The following SLC44A5 variants were observed in gnomAD, a reference collection of about 807,000 sequenced individuals.
SLC44A5 encodes choline transporter-like protein 5.
A neutral mutation model predicts 101.8 loss-of-function variants in SLC44A5; 57 were observed. The ratio of observed to expected loss-of-function variants is 0.56; its 90% CI spans 0.45 to 0.70. The LOEUF (loss-of-function observed/expected upper bound fraction) is 0.70. Among genes scored for constraint, SLC44A5 ranks in the 30% least tolerant of loss-of-function variants. The probability of loss-of-function intolerance (pLI) is 0.00; values close to 1 mark genes in which losing one functional copy is unlikely to be tolerated. For missense variants in SLC44A5, 737 were observed against 853.1 expected (o/e 0.86, Z 1.70); for synonymous variants, 281 against 290.9 (o/e 0.97, Z 0.35).
intron 3 of SLC44A5, among the ~76,000 whole-genome samples, chr1:75,390,029 A>G (rs908377642): frequency 3.9e-5 from 6 of 152,158 alleles, no homozygotes; most frequent in African/African-American, 1.4e-4. Context: ...CTCAGAGACA[A>G]CTATGAATAC....
the SLC44A5 span, among the ~76,000 whole-genome samples, chr1:75,627,259 T>C: frequency 1.3e-5 from 2 of 152,194 alleles, no homozygotes; most frequent in African/African-American, 4.8e-5. Flanking sequence ...TGAGATTTTG[T>C]CTTAGTCATT....
chr1:75,702,635 C>A, the SLC44A5 span, among the ~76,000 whole-genome samples: 2 of 152,000 alleles, frequency 1.3e-5, no homozygotes, highest in Non-Finnish European at 2.9e-5. Context: ...GAAGCAATGG[C>A]AACAAAAGCC....
intron 5 of SLC44A5, among the ~76,000 whole-genome samples, chr1:75,276,515 CCT>C (rs1435850309): frequency 6.6e-6 from 1 of 151,648 alleles, no homozygotes; most frequent in Non-Finnish European, 1.5e-5. Context: ...TTAGATTTTC[CCT>C]GAGTGAGTCA....
intron 13 of SLC44A5, among the ~76,000 whole-genome samples, chr1:75,225,401 T>A (rs566424738): frequency 5.9e-5 from 9 of 152,312 alleles, no homozygotes; most frequent in African/African-American, 2.2e-4. Context: ...CGTATTTCTC[T>A]CATTAAGCAA....
chr1:75,642,145 A>C, the SLC44A5 span: 1 of 808,824 alleles, frequency 1.2e-6, no homozygotes, highest in Non-Finnish European at 1.9e-6. Context: ...ACTGCCTGTA[A>C]ATAAATAGCA....
At chr1:75,481,970 C>T (rs571915842) in intron 2 of SLC44A5, among the ~76,000 whole-genome samples, 25 of 152,160 alleles carry the variant, frequency 1.6e-4, no homozygotes, top group African/African-American at 2.7e-4. Flanking sequence ...CACATGCACA[C>T]GTATGTTTAT....
chr1:75,487,516 C>T (rs541530147), intron 2 of SLC44A5, among the ~76,000 whole-genome samples: 30 of 152,198 alleles, frequency 2.0e-4, no homozygotes, highest in Admixed American at 9.8e-4. Context: ...GTTAATTGTT[C>T]GGGGTCTAAA....
chr1:75,613,141 A>G (rs1675728816), upstream of SLC44A5, among the ~76,000 whole-genome samples: 1 of 152,236 alleles, frequency 6.6e-6, no homozygotes, highest in Non-Finnish European at 1.5e-5. Flanking sequence ...CTGTCACAAG[A>G]TCCGACGAAT....
At chr1:75,475,671 C>A (rs1570389245) in intron 2 of SLC44A5, among the ~76,000 whole-genome samples, 1 of 152,146 alleles carries the variant, frequency 6.6e-6, no homozygotes, top group East Asian at 1.9e-4. Context: ...TCAGAGAATA[C>A]CCATAATGGA....
intron 3 of SLC44A5, among the ~76,000 whole-genome samples, chr1:75,347,799 C>A (rs1220361928): frequency 1.3e-5 from 2 of 151,852 alleles, no homozygotes; most frequent in African/African-American, 4.8e-5. Context: ...GTCAAAGATA[C>A]AATAGCCTGG....
chr1:75,296,884 G>A (rs565851161), intron 5 of SLC44A5, among the ~76,000 whole-genome samples: 5 of 152,130 alleles, frequency 3.3e-5, no homozygotes, highest in Non-Finnish European at 5.9e-5. Flanking sequence ...ATGATTTGGG[G>A]TGTCAGGAAT....
chr1:75,461,652 T>G (rs1666505169), intron 2 of SLC44A5, among the ~76,000 whole-genome samples: 1 of 152,192 alleles, frequency 6.6e-6, no homozygotes, highest in Non-Finnish European at 1.5e-5. Context: ...AACCCTTGGA[T>G]AGCATTTCTG....
At chr1:75,437,146 G>C (rs1205150148) in intron 2 of SLC44A5, among the ~76,000 whole-genome samples, 2 of 152,070 alleles carry the variant, frequency 1.3e-5, no homozygotes, top group South Asian at 4.1e-4. Context: ...GAAAAGTATA[G>C]TATAGGAAAT....
the SLC44A5 span, among the ~76,000 whole-genome samples, chr1:75,659,495 AGGCAGGCAGGCAGGCAGGC>A: frequency 0.062 from 5,818 of 93,948 alleles, 456 homozygotes; most frequent in African/African-American, 0.13. Context: ...GAAGGAAGGC[AGGCAGGCAGGCAGGCAGGC>A]AGGCAGGCAG....
In SLC44A5 at chr1:75,504,124, G is replaced by A. The variant is rs542242145; in HGVS notation, c.13+37311C>T. ...TAACTCTAAATCGGCAAAGTAACTC[G>A]ATACATGCTTGTGTGTCATAAAGTT... On this transcript the variant is annotated intron_variant, in intron 2 of 23. Coordinates refer to ENST00000370859, the MANE Select transcript of SLC44A5 (RefSeq NM_001130058.2). Among the ~76,000 whole-genome samples the A allele has an allele frequency of 3.6e-3, 545 of 152,052 alleles. 1 individual carries two copies. Among genetic ancestry groups the A allele is most frequent in the Non-Finnish European group, 4.2e-3 (283 of 67,988 alleles).
the SLC44A5 span, among the ~76,000 whole-genome samples, chr1:75,620,398 G>A: frequency 2.6e-5 from 4 of 152,086 alleles, no homozygotes; most frequent in Non-Finnish European, 5.9e-5. Context: ...AGATCCTTGA[G>A]GAATCACCAC....
the SLC44A5 span, among the ~76,000 whole-genome samples, chr1:75,626,986 A>C: frequency 6.6e-6 from 1 of 152,078 alleles, no homozygotes; most frequent in Admixed American, 6.6e-5. Context: ...TGGATTCTTT[A>C]TAATTCCTTA....
At chr1:75,357,801 T>C (rs1659192109) in intron 3 of SLC44A5, among the ~76,000 whole-genome samples, 1 of 152,172 alleles carries the variant, frequency 6.6e-6, no homozygotes, top group Admixed American at 6.5e-5. Flanking sequence ...CAGCTAGTTT[T>C]CTTTCTTACT....
chr1:75,676,386 G>T, the SLC44A5 span, among the ~76,000 whole-genome samples: 2 of 152,154 alleles, frequency 1.3e-5, no homozygotes, highest in African/African-American at 2.4e-5. Context: ...AAAGGAACAA[G>T]ATCATGTCCT....
Sources: gnomAD v4.1 joint callset for allele counts (sites outside exome capture counted in the v4.1 genomes callset) on GRCh38, gnomAD v4.1.1 for gene constraint, MANE v1.5 for transcripts, NCBI Gene and HGNC (gene_info 2026-07-23, HGNC 2026-07-21) for gene names.